MYRIP: variants seen among roughly 807,000 people sequenced by gnomAD.
MYRIP encodes the protein rab effector MyRIP.
Under a neutral mutation model 98.0 loss-of-function variants are expected in MYRIP, and 49 were observed. The ratio of observed to expected loss-of-function variants is 0.50; its 90% CI spans 0.40 to 0.63. The LOEUF (loss-of-function observed/expected upper bound fraction) is 0.63, where lower values mean the gene tolerates loss of function less well. MYRIP is among the 30% of genes least tolerant of loss of function. The pLI is 0.00. For synonymous variants in MYRIP, 404 were observed against 409.5 expected, an observed-to-expected ratio of 0.99 and a Z score of 0.16; for missense variants, 1,004 against 1,058.2, an observed-to-expected ratio of 0.95 and a Z score of 0.71.
intron 3 of MYRIP, among the ~76,000 whole-genome samples, chr3:40,128,052 G>A (rs1332034858): frequency 6.6e-6 from 1 of 152,280 alleles, no homozygotes; most frequent in African/African-American, 2.4e-5. Flanking sequence ...TGTTGAGTGT[G>A]TTATCAGTGG....
chr3:39,873,614 A>G (rs955562333), intron 1 of MYRIP, among the ~76,000 whole-genome samples: 6 of 151,774 alleles, frequency 4.0e-5, no homozygotes, highest in Admixed American at 2.6e-4. Context: ...CCCATTGCTT[A>G]TTTTTCTCAG....
intron 1 of MYRIP, among the ~76,000 whole-genome samples, chr3:39,816,077 T>TC (rs1940895513): frequency 7.2e-6 from 1 of 139,056 alleles, no homozygotes; most frequent in Non-Finnish European, 1.6e-5. Context: ...TTTCTTTTTT[T>TC]CTTTTTTTTT....
intron 2 of MYRIP, among the ~76,000 whole-genome samples, chr3:40,014,332 G>A (rs972984251): frequency 5.9e-5 from 9 of 152,176 alleles, no homozygotes; most frequent in African/African-American, 9.7e-5. Context: ...TAAGCAAAAT[G>A]TGAAACAGTT....
At chr3:40,005,620 A>C (rs765498924) in intron 2 of MYRIP, among the ~76,000 whole-genome samples, 1 of 152,250 alleles carries the variant, frequency 6.6e-6, no homozygotes, top group Non-Finnish European at 1.5e-5. Context: ...ATTGGCACCA[A>C]ATGGAAATAT....
At chr3:39,888,371 G>A (rs1166407234) in intron 1 of MYRIP, among the ~76,000 whole-genome samples, 4 of 151,596 alleles carry the variant, frequency 2.6e-5, no homozygotes, top group Non-Finnish European at 5.9e-5. Context: ...CAGAAATAAC[G>A]CCACATATCT....
chr3:40,119,791 A>G (rs1949361099), intron 3 of MYRIP, among the ~76,000 whole-genome samples: 1 of 152,150 alleles, frequency 6.6e-6, no homozygotes, highest in South Asian at 2.1e-4. Context: ...AGGGAGGGAT[A>G]GCATTAGGAG....
intron 2 of MYRIP, among the ~76,000 whole-genome samples, chr3:39,904,003 G>T (rs755346890): frequency 1.3e-5 from 2 of 152,146 alleles, no homozygotes; most frequent in African/African-American, 4.8e-5. Context: ...ATCTTAAACC[G>T]CTTAATTTTG....
chr3:40,102,694 C>T (rs1307087721), intron 3 of MYRIP, among the ~76,000 whole-genome samples: 1 of 151,926 alleles, frequency 6.6e-6, no homozygotes, highest in Admixed American at 6.5e-5. Flanking sequence ...TCTGTAGCAG[C>T]CGGGAGTGTC....
chr3:40,067,465 G>A (rs1948146010), intron 3 of MYRIP, among the ~76,000 whole-genome samples: 1 of 152,154 alleles, frequency 6.6e-6, no homozygotes, highest in Non-Finnish European at 1.5e-5. Context: ...GTGGGGCCAG[G>A]CATCCTGCAG....
intron 3 of MYRIP, among the ~76,000 whole-genome samples, chr3:40,087,937 C>G (rs1164444685): frequency 6.7e-6 from 1 of 149,072 alleles, no homozygotes; most frequent in Non-Finnish European, 1.5e-5. Flanking sequence ...ACACCATTGT[C>G]TTGTGTTTGT....
At chr3:39,863,705 T>C (rs1305716969) in intron 1 of MYRIP, among the ~76,000 whole-genome samples, 1 of 152,134 alleles carries the variant, frequency 6.6e-6, no homozygotes, top group Non-Finnish European at 1.5e-5. Context: ...CAGGACCAGA[T>C]GGATTCACAG....
At chr3:39,889,914 C>G (rs1035781741) in intron 1 of MYRIP, among the ~76,000 whole-genome samples, 2 of 152,002 alleles carry the variant, frequency 1.3e-5, no homozygotes, top group African/African-American at 4.8e-5. Context: ...CCATGCCTTA[C>G]AATCCACACC....
chr3:40,151,933 C>T (rs561582887), intron 4 of MYRIP, among the ~76,000 whole-genome samples: 1 of 152,222 alleles, frequency 6.6e-6, no homozygotes, highest in Admixed American at 6.5e-5. Context: ...GGAGTTTTTT[C>T]ACCATCATTA....
chr3:40,150,546 C>T (rs541443020), intron 3 of MYRIP, among the ~76,000 whole-genome samples: 104 of 152,292 alleles, frequency 6.8e-4, no homozygotes, highest in African/African-American at 2.4e-3. Flanking sequence ...GTTGTTAATA[C>T]AGTAAGAATA....
At chr3:40,216,289 C>A (rs1714408) in intron 11 of MYRIP, among the ~76,000 whole-genome samples, 60,127 of 152,022 alleles carry the variant, frequency 0.4, 14,576 homozygotes, top group Non-Finnish European at 0.55. Context: ...AAAGGCCTGG[C>A]AAGCAAGGCA....
intron 2 of MYRIP, among the ~76,000 whole-genome samples, chr3:40,014,536 C>T (rs1217564908): frequency 6.6e-6 from 1 of 152,104 alleles, no homozygotes; most frequent in African/African-American, 2.4e-5. Flanking sequence ...CACTTGGACC[C>T]ACACCAGAGT....
In MYRIP at chr3:40,182,338, C is replaced by A. The variant is rs1422961340; in HGVS notation, c.992C>A (p.Pro331His). 1 of 1,613,244 alleles carries A rather than the reference C, an allele frequency of 6.2e-7. No individual in the cohort carries two copies. ...GQHPRAESAL[P>H]SWKSVDRLDE... The stretch of plus-strand genomic sequence containing the variant: ...CACCCGAGAGCAGAGTCTGCTCTGC[C>A]CAGCTGGAAGAGTGTGGACAGGCTG... The change falls in exon 9 of 17, where the codon CCC becomes CAC. Residue 331 changes from proline to histidine, a missense_variant. Pro to His is a moderately conservative substitution (Grantham distance 77). Coordinates refer to ENST00000302541, the MANE Select transcript of MYRIP (RefSeq NM_015460.4).
chr3:40,185,783 G>C (rs1474374497), intron 9 of MYRIP, among the ~76,000 whole-genome samples: 1 of 152,126 alleles, frequency 6.6e-6, no homozygotes, highest in Non-Finnish European at 1.5e-5. Context: ...CCAGCCCTGA[G>C]TGGCATTATC....
At chr3:40,005,890 G>A (rs1309448327) in intron 2 of MYRIP, among the ~76,000 whole-genome samples, 2 of 152,102 alleles carry the variant, frequency 1.3e-5, no homozygotes, top group East Asian at 1.9e-4. Context: ...ATTGCAAAAA[G>A]TCTATTAAGG....
Sources: gnomAD v4.1 joint callset for allele counts (sites outside exome capture counted in the v4.1 genomes callset) on GRCh38, gnomAD v4.1.1 for gene constraint, MANE v1.5 for transcripts, NCBI Gene and HGNC (gene_info 2026-07-23, HGNC 2026-07-21) for gene names.